Variants in POLB observed in about 807,000 individuals in gnomAD.
POLB encodes the protein DNA polymerase beta.
A neutral mutation model predicts 52.7 loss-of-function variants in POLB; 37 were observed. The observed-to-expected ratio is 0.70, with a 90% CI of 0.54 to 0.92. The LOEUF is 0.92. Ranked by LOEUF, POLB falls within the 40% of genes least tolerant of loss-of-function variation. POLB has a pLI of 0.00. For missense variants in POLB, 313 were observed against 400.8 expected (o/e 0.78, Z 1.87); for synonymous variants, 138 against 131.3 (o/e 1.05, Z -0.35).
intron 11 of POLB, among the ~76,000 whole-genome samples, chr8:42,363,527 C>CCAAAAA: frequency 6.3e-5 from 1 of 15,822 alleles, no homozygotes; most frequent in Non-Finnish European, 1.8e-4. Context: ...GACTCTGTCT[C>CCAAAAA]AAAAAAAAAA....
Position 42,357,331 on chromosome 8 carries a change from A to G in POLB, c.489A>G (p.Leu163=). The change falls in exon 9 of 14, where the codon CTA becomes CTG. Residue 163 remains leucine (L), a synonymous_variant. Coordinates refer to ENST00000265421, the MANE Select transcript of POLB (RefSeq NM_002690.3). ...TTTTCTTCTATTAGGATATTGTACT[A>G]AATGAAGTTAAAAAAGTGGATTCTG... ...EEMLQMQDIV[L]NEVKKVDSEY... The G allele has an allele frequency of 6.4e-7, 1 of 1,562,284 alleles. No homozygotes were observed. The highest frequency in any genetic ancestry group is 8.8e-7 in the Non-Finnish European group (1 of 1,133,200).
intron 11 of POLB, among the ~76,000 whole-genome samples, chr8:42,367,976 A>G (rs1343456396): frequency 6.6e-6 from 1 of 152,220 alleles, no homozygotes; most frequent in Non-Finnish European, 1.5e-5. Context: ...AAGAGGTTTT[A>G]TTTCCGACAC....
intron 9 of POLB, among the ~76,000 whole-genome samples, chr8:42,359,421 C>T (rs998121469): frequency 4.6e-5 from 7 of 151,804 alleles, no homozygotes; most frequent in Non-Finnish European, 1.0e-4. Flanking sequence ...GTGGCGTGAT[C>T]TCGGCTCACT....
chr8:42,366,300 A>G (rs1297950127), intron 11 of POLB, among the ~76,000 whole-genome samples: 1 of 152,190 alleles, frequency 6.6e-6, no homozygotes, highest in African/African-American at 2.4e-5. Context: ...TCTTTCAATC[A>G]TACATCTGGC....
intron 6 of POLB, among the ~76,000 whole-genome samples, chr8:42,353,355 A>G (rs902609592): frequency 2.6e-5 from 4 of 151,374 alleles, no homozygotes; most frequent in African/African-American, 4.9e-5. Flanking sequence ...TGATCTGCCC[A>G]CCTCGGCCTC....
intron 3 of POLB, among the ~76,000 whole-genome samples, chr8:42,347,148 T>C (rs1349927735): frequency 6.6e-6 from 1 of 152,044 alleles, no homozygotes; most frequent in East Asian, 1.9e-4. Context: ...AATACAAAGG[T>C]ATCCAAAATT....
chr8:42,350,209 A>T (rs757310369), intron 5 of POLB, 144 bp downstream of exon 5: 1 of 668,284 alleles, frequency 1.5e-6, no homozygotes, highest in Non-Finnish European at 2.7e-6. Context: ...ATAGCTTATG[A>T]TCTGAGGCCG....
Position 42,369,279 on chromosome 8 carries a change from C to G in POLB, c.717C>G (p.Cys239Trp). Residue 239 changes from cysteine (C) to tryptophan (W), a missense_variant, in exon 12 of 14, where the codon TGC (cysteine) becomes TGG (tryptophan). Coordinates refer to ENST00000265421, the MANE Select transcript of POLB (RefSeq NM_002690.3). ...TAAAATGTTCATTTTAGGGTGTTTG[C>G]CAGCTTCCCAGTAAAAATGATGAAA... ...SKGETKFMGVCQLPSKNDEKE... is the reference protein window; with the variant it reads ...SKGETKFMGVWQLPSKNDEKE... The G allele has an allele frequency of 1.3e-6, 2 of 1,569,878 alleles. No individual in the cohort carries two copies. The highest frequency in any genetic ancestry group is 1.8e-6 in the Non-Finnish European group (2 of 1,141,546).
At chr8:42,347,257 T>C in intron 3 of POLB, among the ~76,000 whole-genome samples, 1 of 150,184 alleles carries the variant, frequency 6.7e-6, no homozygotes, top group Non-Finnish European at 1.5e-5. Flanking sequence ...CTGGAATTAC[T>C]CCTCAGTAAT....
At chr8:42,341,350 A>G (rs1822190399) in intron 2 of POLB, among the ~76,000 whole-genome samples, 1 of 152,232 alleles carries the variant, frequency 6.6e-6, no homozygotes, top group Admixed American at 6.5e-5. Flanking sequence ...GATCCCCTCC[A>G]TAAACTGTGT....
At chr8:42,338,826 G>T in intron 1 of POLB, 141 bp downstream of exon 1, 1 of 991,154 alleles carries the variant, frequency 1.0e-6, no homozygotes, top group Non-Finnish European at 1.6e-6. Context: ...TCTCCCTCCG[G>T]CGCCCCTGGC....
chr8:42,365,865 T>C (rs1412702299), intron 11 of POLB, among the ~76,000 whole-genome samples: 2 of 152,150 alleles, frequency 1.3e-5, no homozygotes, highest in Non-Finnish European at 2.9e-5. Flanking sequence ...TTTGGGAGGC[T>C]GAGGCAGGTG....
chr8:42,348,388 G>GAATTTTA (rs1585879705), intron 3 of POLB, among the ~76,000 whole-genome samples: 1 of 152,178 alleles, frequency 6.6e-6, no homozygotes, highest in African/African-American at 2.4e-5. Flanking sequence ...CTGAAGAATG[G>GAATTTTA]AATTTTAAAT....
At chr8:42,360,249 G>A (rs1364400904) in intron 9 of POLB, among the ~76,000 whole-genome samples, 1 of 151,870 alleles carries the variant, frequency 6.6e-6, no homozygotes, top group Non-Finnish European at 1.5e-5. Context: ...GAGCCACCTT[G>A]CCCGGCCTGG....
intron 10 of POLB, among the ~76,000 whole-genome samples, chr8:42,362,035 G>A (rs1823727694): frequency 6.6e-6 from 1 of 152,176 alleles, no homozygotes; most frequent in African/African-American, 2.4e-5. Flanking sequence ...GGCCAAGGCA[G>A]GTGGATCACG....
chr8:42,356,802 C>T (rs1278734141), intron 7 of POLB, among the ~76,000 whole-genome samples: 3 of 152,140 alleles, frequency 2.0e-5, no homozygotes, highest in South Asian at 2.1e-4. Flanking sequence ...GATATAAGAG[C>T]GGTAAACTGT....
chr8:42,362,995 A>G lies in POLB; in HGVS notation c.708+297A>G, dbSNP rs550985121. ...CAAAATTGGCCGGGCGTGGTGGCGC[A>G]TGCCTGTAATCCTAGCTACTCAGGA... is the stretch of plus-strand genomic sequence containing the variant. On this transcript the variant is annotated intron_variant, in intron 11 of 13. Coordinates refer to ENST00000265421, the MANE Select transcript of POLB (RefSeq NM_002690.3). Among the ~76,000 whole-genome samples, 3 of 152,020 alleles carry G rather than the reference A, an allele frequency of 2.0e-5. No individual in the cohort carries two copies. The South Asian group carries it at 6.2e-4, about 32-fold the overall frequency.
intron 7 of POLB, among the ~76,000 whole-genome samples, chr8:42,356,926 A>C (rs753299190): frequency 7.9e-5 from 12 of 152,180 alleles, no homozygotes; most frequent in Non-Finnish European, 1.6e-4. Flanking sequence ...ATAAGTTTAG[A>C]TGGAGCCTTT....
At chr8:42,340,948 C>T (rs747382997) in intron 2 of POLB, among the ~76,000 whole-genome samples, 17 of 152,266 alleles carry the variant, frequency 1.1e-4, no homozygotes, top group East Asian at 1.9e-4. Context: ...AGAAGCTCAT[C>T]GGGATAAGTG....
Sources: gnomAD v4.1 joint callset for allele counts (sites outside exome capture counted in the v4.1 genomes callset) on GRCh38, gnomAD v4.1.1 for gene constraint, MANE v1.5 for transcripts, NCBI Gene and HGNC (gene_info 2026-07-23, HGNC 2026-07-21) for gene names.